Variants in C1orf87 observed in about 807,000 individuals in gnomAD.
The protein encoded by C1orf87 is uncharacterized protein C1orf87.
A neutral mutation model predicts 60.5 loss-of-function variants in C1orf87; 58 were observed. The observed-to-expected ratio is 0.96, with a 90% CI of 0.78 to 1.19. The LOEUF (loss-of-function observed/expected upper bound fraction) is 1.19, where lower values mean the gene tolerates loss of function less well. C1orf87 is among the 50% of genes most tolerant of loss of function. The pLI, the probability that C1orf87 is intolerant of heterozygous loss-of-function variation, is 0.00. For missense variants in C1orf87, 673 were observed against 638.6 expected (o/e 1.05, Z -0.58); for synonymous variants, 236 against 227.4 (o/e 1.04, Z -0.34).
intron 10 of C1orf87, among the ~76,000 whole-genome samples, chr1:59,998,034 G>C (rs1376874844): frequency 6.6e-6 from 1 of 152,156 alleles, no homozygotes; most frequent in African/African-American, 2.4e-5. Flanking sequence ...AGAGAAGGGT[G>C]ACATCATGAT....
chr1:60,022,385 A>T (rs570431063), intron 8 of C1orf87, among the ~76,000 whole-genome samples: 1 of 152,226 alleles, frequency 6.6e-6, no homozygotes, highest in East Asian at 1.9e-4. Flanking sequence ...TGCTAATTAA[A>T]TAAATTAAAT....
chr1:60,052,882 C>G (rs769681878), intron 3 of C1orf87, among the ~76,000 whole-genome samples: 23 of 152,348 alleles, frequency 1.5e-4, no homozygotes, highest in Non-Finnish European at 2.6e-4. Context: ...CGGGCCAGCA[C>G]CACACGCCCG....
intron 9 of C1orf87, chr1:60,008,605 C>T (rs181165186): frequency 2.4e-6 from 1 of 422,948 alleles, no homozygotes; most frequent in Non-Finnish European, 4.7e-6. Context: ...CAGGGATGCA[C>T]ACACACAGAG....
At chr1:60,022,136 C>T (rs559567685) in intron 8 of C1orf87, among the ~76,000 whole-genome samples, 45 of 136,776 alleles carry the variant, frequency 3.3e-4, no homozygotes, top group African/African-American at 1.1e-3. Flanking sequence ...TTGCCTTCTA[C>T]GTGTAATAAC....
At chr1:60,064,860 T>C (rs1457305453) in intron 2 of C1orf87, among the ~76,000 whole-genome samples, 1 of 92,418 alleles carries the variant, frequency 1.1e-5, no homozygotes, top group African/African-American at 4.5e-5. Context: ...ATATATTTAT[T>C]ATATATAAAT....
At chr1:60,034,550 T>C (rs1645261851) in intron 6 of C1orf87, among the ~76,000 whole-genome samples, 2 of 152,236 alleles carry the variant, frequency 1.3e-5, no homozygotes, top group Non-Finnish European at 2.9e-5. Context: ...CTTTGCAAGA[T>C]AAAGCCCTAA....
intron 8 of C1orf87, among the ~76,000 whole-genome samples, chr1:60,017,237 C>T (rs1645129786): frequency 6.6e-6 from 1 of 152,154 alleles, no homozygotes; most frequent in African/African-American, 2.4e-5. Context: ...AAGGCACAGC[C>T]AATGGGCAGA....
At chr1:60,037,297 T>C (rs1574313966) in intron 6 of C1orf87, among the ~76,000 whole-genome samples, 1 of 152,316 alleles carries the variant, frequency 6.6e-6, no homozygotes, top group Non-Finnish European at 1.5e-5. Context: ...TGGGATTTGG[T>C]CACGAGGGTG....
intron 3 of C1orf87, among the ~76,000 whole-genome samples, chr1:60,047,179 G>A (rs1458248870): frequency 6.6e-6 from 1 of 152,002 alleles, no homozygotes; most frequent in African/African-American, 2.4e-5. Context: ...TTCAGATACA[G>A]TTTGCATAGA....
chr1:60,064,444 C>A (rs1486892109), intron 2 of C1orf87, among the ~76,000 whole-genome samples: 1 of 139,208 alleles, frequency 7.2e-6, no homozygotes, highest in Non-Finnish European at 1.5e-5. Flanking sequence ...GTTATGTTTA[C>A]ACTATACTGT....
intron 7 of C1orf87, among the ~76,000 whole-genome samples, chr1:60,033,063 T>C (rs980456505): frequency 6.6e-6 from 1 of 152,210 alleles, no homozygotes; most frequent in African/African-American, 2.4e-5. Context: ...CAAAACAGCA[T>C]GGTAGCCTCT....
intron 8 of C1orf87, among the ~76,000 whole-genome samples, chr1:60,025,066 G>T (rs1186569337): frequency 6.6e-6 from 1 of 152,186 alleles, no homozygotes; most frequent in African/African-American, 2.4e-5. Context: ...AATTCAGGCT[G>T]CTATCACAAA....
chr1:59,993,579 A>G lies in C1orf87; in HGVS notation c.1481-2746T>C, dbSNP rs372523330. Among the ~76,000 whole-genome samples the G allele has an allele frequency of 2.4e-3, 368 of 152,172 alleles. 4 individuals are homozygous for G. The highest frequency in any genetic ancestry group is 8.4e-3 in the African/African-American group (350 of 41,530). On this transcript the variant is annotated intron_variant, in intron 11 of 11. Coordinates refer to ENST00000371201, the MANE Select transcript of C1orf87 (RefSeq NM_152377.3). ...TTCTATCTTCTAAGCTTTACCATTG[A>G]TAGAAGATGCCTAGAGTCAAACAAA... is the stretch of plus-strand genomic sequence containing the variant.
chr1:60,044,345 T>G lies in C1orf87; in HGVS notation c.343-3214A>C, dbSNP rs147645022. Among the ~76,000 whole-genome samples the G allele has an allele frequency of 6.2e-4, 95 of 152,334 alleles. No homozygotes were observed. The East Asian group carries it at 0.016, about 26-fold the overall frequency. On this transcript the variant is annotated intron_variant, in intron 3 of 11. Transcript: ENST00000371201. ...ACGCCCAGCCACAGACTAAGTTTTC[T>G]GGCTTCAACTATGGAAAGAGGAAAA...
rs539268619 is a variant in C1orf87, at chr1:60,054,654, T to C, written c.342+550A>G. ...TTTAGATCCAGTTTTCAATTGCTGC[T>C]TTACTTGCTTTTTAATTACAAACTA... On this transcript the variant is annotated intron_variant, in intron 3 of 11. Transcript: ENST00000371201. 3.9e-5 allele frequency among the ~76,000 whole-genome samples: 6 copies of C among 152,354 alleles called. No individual in the cohort carries two copies. In the South Asian group the frequency reaches 1.2e-3, roughly 32 times the overall value.
intron 5 of C1orf87, 74 bp downstream of exon 5, chr1:60,039,843 T>C (rs1412199779): frequency 2.7e-6 from 4 of 1,476,198 alleles, no homozygotes; most frequent in Non-Finnish European, 3.7e-6. Flanking sequence ...GCTAACTTCT[T>C]AGTCTTTTAC....
intron 6 of C1orf87, among the ~76,000 whole-genome samples, chr1:60,036,424 C>T (rs932551463): frequency 2.6e-5 from 4 of 152,158 alleles, no homozygotes; most frequent in African/African-American, 9.7e-5. Context: ...TAGCTCTTAA[C>T]CACCATGCCA....
chr1:60,001,109 G>T lies in C1orf87; in HGVS notation c.1240C>A (p.Pro414Thr). 6.2e-7 allele frequency: 1 copy of T among 1,607,562 alleles called. No homozygotes were observed. The highest frequency in any genetic ancestry group is 8.5e-7 in the Non-Finnish European group (1 of 1,176,772). The change falls in exon 10 of 12, where the codon CCC becomes ACC. Residue 414 changes from proline (P) to threonine (T), a missense_variant. Transcript: ENST00000371201. ...APAPPMEPEV[P>T]EMSQSKTEHM... ...TCAGTTTTGCTTTGAGACATCTCGG[G>T]GACTTCAGGCTCCATTGGAGGGGCA...
rs1645075762 is a variant in C1orf87, at chr1:60,010,474, A to G, written c.1128-18T>C. ...TCTGCCATCTGTGCAAGAAAAGGAA[A>G]CATAAATTGGTGATCAATATGATTG... On this transcript the variant is annotated intron_variant, in intron 8 of 11. Coordinates refer to ENST00000371201, the MANE Select transcript of C1orf87 (RefSeq NM_152377.3). The G allele has an allele frequency of 8.1e-6, 13 of 1,608,088 alleles. No individual in the cohort carries two copies. The highest frequency in any genetic ancestry group is 1.1e-5 in the Non-Finnish European group (13 of 1,175,142).
Sources: allele counts gnomAD v4.1 joint callset (sites outside exome capture counted in the v4.1 genomes callset), GRCh38; gene constraint gnomAD v4.1.1; transcripts MANE v1.5; gene names NCBI Gene and HGNC (gene_info 2026-07-23, HGNC 2026-07-21).